Variants in ADAM32 observed in about 807,000 individuals in gnomAD.
ADAM32 encodes the protein ADAM metallopeptidase domain 32.
In ADAM32, 89 loss-of-function variants were observed where a neutral mutation model predicts 114.9. The observed-to-expected ratio is 0.77, with a 90% CI of 0.65 to 0.92. ADAM32 has a LOEUF of 0.92. Among genes scored for constraint, ADAM32 ranks in the 40% least tolerant of loss-of-function variants. The pLI is 0.00. For missense variants in ADAM32, 870 were observed against 932.8 expected (o/e 0.93, Z 0.88); for synonymous variants, 285 against 307.5 (o/e 0.93, Z 0.77).
At chr8:39,202,383 T>C (rs1294109089) in intron 11 of ADAM32, among the ~76,000 whole-genome samples, 3 of 152,132 alleles carry the variant, frequency 2.0e-5, no homozygotes, top group East Asian at 1.9e-4. Flanking sequence ...GGAATTTATC[T>C]GTTTCTTCTA....
intron 10 of ADAM32, among the ~76,000 whole-genome samples, chr8:39,171,807 T>C (rs564090910): frequency 6.6e-6 from 1 of 151,328 alleles, no homozygotes; most frequent in South Asian, 2.1e-4. Flanking sequence ...TGTTTAAATA[T>C]ATATATTTAA....
intron 10 of ADAM32, among the ~76,000 whole-genome samples, chr8:39,183,184 G>C (rs1268033221): frequency 6.6e-6 from 1 of 152,146 alleles, no homozygotes; most frequent in Non-Finnish European, 1.5e-5. Context: ...TTTCTGGCGT[G>C]GCACCTCCAT....
chr8:39,233,561 A>G (rs939386432), intron 15 of ADAM32, among the ~76,000 whole-genome samples: 1 of 152,068 alleles, frequency 6.6e-6, no homozygotes, highest in African/African-American at 2.4e-5. Flanking sequence ...TATGACCTGT[A>G]TCTTATGCCG....
intron 16 of ADAM32, among the ~76,000 whole-genome samples, chr8:39,238,075 T>C (rs547329178): frequency 1.3e-5 from 2 of 152,244 alleles, no homozygotes; most frequent in African/African-American, 4.8e-5. Context: ...CCAGAGGTCC[T>C]GAGTCTGTCC....
At chr8:39,183,620 T>G (rs1269895489) in intron 10 of ADAM32, among the ~76,000 whole-genome samples, 1 of 152,174 alleles carries the variant, frequency 6.6e-6, no homozygotes, top group Non-Finnish European at 1.5e-5. Flanking sequence ...TGGCACCAAG[T>G]TTTGGCTGCT....
At chr8:39,233,878 A>G in intron 15 of ADAM32, 21 bp from the exon 16 acceptor site, 1 of 1,371,660 alleles carries the variant, frequency 7.3e-7, no homozygotes, top group Non-Finnish European at 9.6e-7. Flanking sequence ...TAATAATCAT[A>G]TATATTTTTT....
chr8:39,123,123 G>A (rs1398739508), intron 2 of ADAM32, among the ~76,000 whole-genome samples: 1 of 152,102 alleles, frequency 6.6e-6, no homozygotes, highest in Non-Finnish European at 1.5e-5. Context: ...TTTCCCCACT[G>A]AATTGTTTTG....
intron 15 of ADAM32, among the ~76,000 whole-genome samples, 163 bp downstream of exon 15, chr8:39,232,298 A>G (rs1352691081): frequency 2.0e-5 from 3 of 152,180 alleles, no homozygotes; most frequent in Admixed American, 2.0e-4. Flanking sequence ...TTTGTGCTGC[A>G]GGCTAAAATT....
At chr8:39,133,904 T>TGCTGCTG (rs1368158837) in intron 2 of ADAM32, among the ~76,000 whole-genome samples, 1 of 152,204 alleles carries the variant, frequency 6.6e-6, no homozygotes, top group African/African-American at 2.4e-5. Context: ...GCTGTGTCCC[T>TGCTGCTG]GCTGCTGGGA....
At chr8:39,211,076 A>G in intron 11 of ADAM32, 68 bp from the exon 12 acceptor site, 2 of 1,240,948 alleles carry the variant, frequency 1.6e-6, no homozygotes, top group Non-Finnish European at 2.1e-6. Flanking sequence ...TTTGAAATTA[A>G]TTTATATCAT....
chr8:39,255,207 T>A (rs1173325173), intron 18 of ADAM32, among the ~76,000 whole-genome samples: 2 of 151,866 alleles, frequency 1.3e-5, no homozygotes, highest in African/African-American at 2.4e-5. Context: ...TTTTATGTAA[T>A]GACTTTTATA....
chr8:39,218,177 C>A (rs1808718930), intron 12 of ADAM32, among the ~76,000 whole-genome samples: 1 of 152,092 alleles, frequency 6.6e-6, no homozygotes, highest in Admixed American at 6.5e-5. Context: ...GATTACCAGG[C>A]AGAGACACTT....
At chr8:39,235,249 A>T (rs1221115064) in intron 16 of ADAM32, among the ~76,000 whole-genome samples, 3 of 152,192 alleles carry the variant, frequency 2.0e-5, no homozygotes, top group Non-Finnish European at 4.4e-5. Flanking sequence ...ATAGATTTGA[A>T]TTCTGACTCT....
chr8:39,269,453 G>A (rs1812575523), intron 19 of ADAM32, among the ~76,000 whole-genome samples: 1 of 152,132 alleles, frequency 6.6e-6, no homozygotes, highest in South Asian at 2.1e-4. Context: ...TATGCTTTTA[G>A]TATTTGCAAC....
chr8:39,235,991 T>C (rs1332846886), intron 16 of ADAM32, among the ~76,000 whole-genome samples: 1 of 152,210 alleles, frequency 6.6e-6, no homozygotes, highest in Admixed American at 6.5e-5. Flanking sequence ...TGTTACTTGC[T>C]TTTTCTAAAA....
At chr8:39,219,247 T>G (rs1205673616) in intron 12 of ADAM32, among the ~76,000 whole-genome samples, 2 of 152,114 alleles carry the variant, frequency 1.3e-5, no homozygotes, top group Non-Finnish European at 2.9e-5. Flanking sequence ...ACAAGTGTTC[T>G]CTTAGCTTCC....
chr8:39,145,828 T>C (rs1056995326), intron 3 of ADAM32, among the ~76,000 whole-genome samples: 13 of 152,154 alleles, frequency 8.5e-5, no homozygotes, highest in African/African-American at 3.1e-4. Context: ...AACTCCTGGC[T>C]CAAGTGATCC....
At chr8:39,248,203 T>G (rs1811054242) in intron 17 of ADAM32, among the ~76,000 whole-genome samples, 1 of 152,176 alleles carries the variant, frequency 6.6e-6, no homozygotes, top group African/African-American at 2.4e-5. Flanking sequence ...AACTTTAGAA[T>G]CAGTTTGTTA....
intron 6 of ADAM32, among the ~76,000 whole-genome samples, chr8:39,153,459 C>CT (rs1232752180): frequency 2.0e-5 from 3 of 152,324 alleles, no homozygotes; most frequent in Non-Finnish European, 2.9e-5. Context: ...ACTTGTAACT[C>CT]TTTTTTATGT....
Sources: gnomAD v4.1 joint callset for allele counts (sites outside exome capture counted in the v4.1 genomes callset) on GRCh38, gnomAD v4.1.1 for gene constraint, MANE v1.5 for transcripts, NCBI Gene and HGNC (gene_info 2026-07-23, HGNC 2026-07-21) for gene names.